SYNJ2: variants seen among roughly 807,000 people sequenced by gnomAD.
SYNJ2 encodes the protein polyphosphatidylinositol phosphatase SYNJ2.
A neutral mutation model predicts 141.3 loss-of-function variants in SYNJ2; 116 were observed. That is an observed-to-expected ratio of 0.82 (90% CI 0.71 to 0.96). The LOEUF is 0.96. SYNJ2 is among the 40% of genes least tolerant of loss of function. SYNJ2 has a pLI of 0.00. For synonymous variants in SYNJ2, 745 were observed against 777.7 expected (o/e 0.96, Z 0.70); for missense variants, 1,873 against 1,934.8 (o/e 0.97, Z 0.60).
intron 13 of SYNJ2, 149 bp downstream of exon 13, chr6:158,068,877 C>G: frequency 1.3e-6 from 1 of 769,946 alleles, no homozygotes. Context: ...TCACCTGGCT[C>G]CTTCTCTATG....
In SYNJ2 at chr6:158,033,648, G is replaced by A. The variant is rs147847428; in HGVS notation, c.679G>A (p.Gly227Ser). 1.5e-4 allele frequency: 243 copies of A among 1,611,768 alleles called. No homozygotes were observed. The East Asian group carries it at 5.1e-3, about 34-fold the overall frequency. ...CCACACCCGTGGCGTGAACGACGACGGCCATGTGTCCAACTTCGTGGAGAC... is the reference window on the plus strand; with the variant it reads ...CCACACCCGTGGCGTGAACGACGACAGCCATGTGTCCAACTTCGTGGAGAC... Reference protein sequence around the residue: ...RFHTRGVNDDGHVSNFVETEQ... With the variant: ...RFHTRGVNDDSHVSNFVETEQ... The change falls in exon 4 of 27, where the codon GGC becomes AGC. Residue 227 changes from glycine to serine, a missense_variant. Coordinates refer to ENST00000355585, the MANE Select transcript of SYNJ2 (RefSeq NM_003898.4).
chr6:158,017,388 G>GCTCTTCTCT (rs1778514396), intron 2 of SYNJ2, 98 bp downstream of exon 2: 1 of 1,166,840 alleles, frequency 8.6e-7, no homozygotes, highest in Non-Finnish European at 1.1e-6. Context: ...CTGTTTGACC[G>GCTCTTCTCT]CTCTTCTCTC....
chr6:158,053,744 G>GCCATCCACCCATCCATGCACCCAC (rs1780699366), intron 5 of SYNJ2, among the ~76,000 whole-genome samples: 4 of 139,694 alleles, frequency 2.9e-5, no homozygotes, highest in African/African-American at 1.1e-4. Flanking sequence ...AATCCACCCA[G>GCCATCCACCCATCCATGCACCCAC]CCATCCACCC....
Position 158,084,739 on chromosome 6 carries a change from G to A in SYNJ2, c.3208+565G>A, listed in dbSNP as rs192797416. ...AAGCAGGAGAATCGCTTGAGCTGGG[G>A]AGGCAGAGGCTGCAATGAGCCGAGA... is the stretch of plus-strand genomic sequence containing the variant. On this transcript the variant is annotated intron_variant, in intron 22 of 26. Transcript: ENST00000355585. This position sits in a 1 kb window ranked among gnomAD's most constrained non-coding sequence, Gnocchi z 5.0. Among the ~76,000 whole-genome samples, 10 of 152,126 alleles carry A rather than the reference G, an allele frequency of 6.6e-5. No individual in the cohort carries two copies. Among genetic ancestry groups the A allele is most frequent in the Admixed American group, 6.6e-4 (10 of 15,266 alleles).
In SYNJ2 at chr6:158,064,655, C is replaced by G. The variant is rs563234772; in HGVS notation, c.1264C>G (p.Arg422Gly). Reference protein sequence around the residue: ...LGLSSKPIVDRFVESFKAMWS... With the variant: ...LGLSSKPIVDGFVESFKAMWS... ...GCTGAGTTCAAAACCCATCGTTGAC[C>G]GCTTTGTGGAGTCCTTCAAAGCCAT... is the stretch of plus-strand genomic sequence containing the variant. The change falls in exon 10 of 27, where the codon CGC becomes GGC. Residue 422 changes from arginine to glycine, a missense_variant. By Grantham distance (125) the Arg-to-Gly change is moderately radical. Coordinates refer to ENST00000355585, the MANE Select transcript of SYNJ2 (RefSeq NM_003898.4). The G allele has an allele frequency of 6.2e-7, 1 of 1,614,106 alleles. No homozygotes were observed. Among genetic ancestry groups the G allele is most frequent in the Non-Finnish European group, 8.5e-7 (1 of 1,180,016 alleles).
Position 158,047,993 on chromosome 6 carries a change from T to C in SYNJ2, c.795+4594T>C, listed in dbSNP as rs138769893. Among the ~76,000 whole-genome samples the C allele has an allele frequency of 2.9e-3, 448 of 152,210 alleles. 5 individuals are homozygous for C. The highest frequency in any genetic ancestry group is 0.01 in the African/African-American group (434 of 41,518). On this transcript the variant is annotated intron_variant, in intron 5 of 26. Transcript: ENST00000355585. ...GGAACAGGGACACCGTGAGATGTAGTAACATGAAGACAGCTTCCTGGTCAG... is the reference window on the plus strand; with the variant it reads ...GGAACAGGGACACCGTGAGATGTAGCAACATGAAGACAGCTTCCTGGTCAG...
intron 2 of SYNJ2, among the ~76,000 whole-genome samples, chr6:158,019,725 AC>A (rs1778659565): frequency 6.6e-6 from 1 of 151,764 alleles, no homozygotes; most frequent in Non-Finnish European, 1.5e-5. Context: ...TGTGAGAGTC[AC>A]CCCCCGGAGT....
intron 20 of SYNJ2, among the ~76,000 whole-genome samples, chr6:158,081,864 C>G (rs1175404603): frequency 6.6e-6 from 1 of 152,026 alleles, no homozygotes; most frequent in Non-Finnish European, 1.5e-5. Context: ...TTATGGCTCA[C>G]TATAACCTCA....
At chr6:157,989,812 G>C (rs1299124551) in intron 1 of SYNJ2, among the ~76,000 whole-genome samples, 1 of 152,170 alleles carries the variant, frequency 6.6e-6, no homozygotes, top group Non-Finnish European at 1.5e-5. Flanking sequence ...AGACTGGGTC[G>C]GCTCCAAGAT....
chr6:157,998,032 C>G (rs1031919862), intron 1 of SYNJ2, among the ~76,000 whole-genome samples: 5 of 152,238 alleles, frequency 3.3e-5, no homozygotes, highest in African/African-American at 1.2e-4. Context: ...GGCCCCTGCT[C>G]TATTCAACTG....
intron 5 of SYNJ2, among the ~76,000 whole-genome samples, chr6:158,050,449 C>T (rs1180534460): frequency 6.6e-6 from 1 of 152,236 alleles, no homozygotes; most frequent in Non-Finnish European, 1.5e-5. Flanking sequence ...CGACTGACTT[C>T]TTAGTTCTCT....
intron 5 of SYNJ2, among the ~76,000 whole-genome samples, chr6:158,044,609 C>G (rs1780138305): frequency 6.6e-6 from 1 of 152,228 alleles, no homozygotes; most frequent in Admixed American, 6.5e-5. Context: ...GGAAAAATAG[C>G]TTTATTGCAA....
chr6:158,039,893 C>T (rs1779846766), intron 4 of SYNJ2, among the ~76,000 whole-genome samples: 2 of 152,178 alleles, frequency 1.3e-5, no homozygotes, highest in African/African-American at 4.8e-5. Context: ...GCAGAGGAAA[C>T]AGGATCCACC....
intron 25 of SYNJ2, among the ~76,000 whole-genome samples, chr6:158,092,641 C>T (rs961358588): frequency 4.6e-5 from 7 of 152,010 alleles, no homozygotes; most frequent in East Asian, 1.9e-4. Flanking sequence ...AGTGCTCACC[C>T]GTAATCCCAG....
intron 5 of SYNJ2, among the ~76,000 whole-genome samples, chr6:158,046,893 C>T (rs1409320006): frequency 1.3e-5 from 2 of 150,166 alleles, no homozygotes; most frequent in Non-Finnish European, 2.9e-5. Context: ...TAGAAGCTTC[C>T]CCCCACCATA....
chr6:158,001,059 C>G (rs1193965002), intron 1 of SYNJ2: 1 of 152,914 alleles, frequency 6.5e-6, no homozygotes, highest in Non-Finnish European at 1.5e-5. Context: ...TCTCACTTGC[C>G]GTCCTCTCTG....
chr6:158,097,804 G>T lies in SYNJ2; in HGVS notation c.*1440G>T, dbSNP rs966285692. The T allele has an allele frequency of 1.6e-4, 24 of 150,090 alleles. No homozygotes were observed. The highest frequency in any genetic ancestry group is 5.7e-4 in the African/African-American group (23 of 40,510). The allele number at this position is 150,090 out of a possible 1,614,324, so 9.3% of individuals were successfully genotyped here. A position where few individuals can be genotyped will look rare whatever the true frequency, so the allele number is the denominator to read the frequency against. On this transcript the variant is annotated 3_prime_UTR_variant, in exon 27 of 27. Coordinates refer to ENST00000355585, the MANE Select transcript of SYNJ2 (RefSeq NM_003898.4). ...GCCATCAAAACAAAAGTTACAACAC[G>T]TATCTCTTTTCATCTGAAAACTAAT...
intron 1 of SYNJ2, among the ~76,000 whole-genome samples, chr6:157,986,175 C>G (rs1257938996): frequency 1.3e-5 from 2 of 152,156 alleles, no homozygotes; most frequent in African/African-American, 4.8e-5. Flanking sequence ...ACAGGTAGGA[C>G]CAGGCAAGGG....
At chr6:158,025,006 C>T (rs73793201) in intron 2 of SYNJ2, among the ~76,000 whole-genome samples, 2,558 of 152,296 alleles carry the variant, frequency 0.017, 66 homozygotes, top group African/African-American at 0.058. Context: ...GGGCAGGGAA[C>T]GCTGTCTGAG....
Sources: allele counts gnomAD v4.1 joint callset (sites outside exome capture counted in the v4.1 genomes callset), GRCh38; gene constraint gnomAD v4.1.1; non-coding constraint Gnocchi (gnomAD v3.1); transcripts MANE v1.5; gene names NCBI Gene and HGNC (gene_info 2026-07-23, HGNC 2026-07-21).